Variants in PCLO observed in about 807,000 individuals in gnomAD.
The protein encoded by PCLO is piccolo presynaptic cytomatrix protein.
A neutral mutation model predicts 427.5 loss-of-function variants in PCLO; 82 were observed. The ratio of observed to expected loss-of-function variants is 0.19; its 90% CI spans 0.16 to 0.23. PCLO has a LOEUF of 0.23. Among genes scored for constraint, PCLO ranks in the 10% least tolerant of loss-of-function variants. The probability of loss-of-function intolerance (pLI) is 1.00; values close to 1 mark genes in which losing one functional copy is unlikely to be tolerated. For missense variants in PCLO, 6,239 were observed against 6,115.9 expected (o/e 1.02, Z -0.67); for synonymous variants, 2,357 against 2,155.4 (o/e 1.09, Z -2.59).
At position 82,915,362 on chromosome 7, in the gene PCLO, T is replaced by C; in HGVS notation, c.12624A>G (p.Glu4208=). The C allele has an allele frequency of 6.2e-7, 1 of 1,613,476 alleles. No homozygotes were observed. The highest frequency in any genetic ancestry group is 8.5e-7 in the Non-Finnish European group (1 of 1,179,642). ...AATAATCAGGTTCAAGGTCTCTACTTTCTTGAATAGGTGAAAATTTTGACA... is the reference window on the plus strand; with the variant it reads ...AATAATCAGGTTCAAGGTCTCTACTCTCTTGAATAGGTGAAAATTTTGACA... The part of the protein sequence containing the change: ...PKMSKFSPIQ[E]SRDLEPDYSS... Residue 4208 remains glutamate, a synonymous_variant, in exon 7 of 25, where the codon GAA becomes GAG. Transcript: ENST00000333891.
intron 3 of PCLO, among the ~76,000 whole-genome samples, chr7:83,002,232 T>C (rs890571737): frequency 6.6e-6 from 1 of 151,990 alleles, no homozygotes; most frequent in African/African-American, 2.4e-5. Flanking sequence ...TCATTTATAT[T>C]TTCCATCCTT....
chr7:82,845,563 G>C, intron 12 of PCLO, 78 bp from the exon 13 acceptor site: 4 of 934,850 alleles, frequency 4.3e-6, no homozygotes, highest in Non-Finnish European at 5.1e-6. Context: ...TGAGTTCTAG[G>C]TGACAAAGGT....
At chr7:83,017,853 T>C (rs142338150) in intron 3 of PCLO, 2 of 152,146 alleles carry the variant, frequency 1.3e-5, no homozygotes, top group East Asian at 3.9e-4. Context: ...ATTTAACACA[T>C]TTTAAATGGC....
intron 3 of PCLO, among the ~76,000 whole-genome samples, chr7:83,080,288 A>C (rs1790065177): frequency 6.6e-6 from 1 of 152,136 alleles, no homozygotes; most frequent in African/African-American, 2.4e-5. Context: ...ATATCTGAGG[A>C]ATCACCACAC....
intron 3 of PCLO, among the ~76,000 whole-genome samples, chr7:83,078,519 C>CATTATTATATTATTATT (rs1554392726): frequency 6.7e-6 from 1 of 150,284 alleles, no homozygotes; most frequent in African/African-American, 2.5e-5. Context: ...ATGTTGCTAG[C>CATTATTATATTATTATT]ATTATTATTA....
intron 20 of PCLO, among the ~76,000 whole-genome samples, chr7:82,813,864 A>C (rs1584002239): frequency 6.6e-6 from 1 of 151,978 alleles, no homozygotes; most frequent in South Asian, 2.1e-4. Flanking sequence ...AGGATCAAGT[A>C]TTTCGTAAGA....
chr7:82,788,829 CAT>C (rs1791039631), intron 22 of PCLO, among the ~76,000 whole-genome samples: 1 of 151,322 alleles, frequency 6.6e-6, no homozygotes, highest in Non-Finnish European at 1.5e-5. Flanking sequence ...TCCATGTTAT[CAT>C]GTTTGCCGTT....
rs750962596 is a variant in PCLO, at chr7:82,824,288, C to G, written c.14544G>C (p.Lys4848Asn). 5 of 1,613,228 alleles carry G rather than the reference C, an allele frequency of 3.1e-6. No homozygotes were observed. The highest frequency in any genetic ancestry group is 4.2e-6 in the Non-Finnish European group (5 of 1,179,622). The change falls in exon 19 of 25, where the codon AAG becomes AAC. Residue 4848 changes from lysine (K) to asparagine (N), a missense_variant. Physicochemically the swap from Lys to Asn is moderately conservative, Grantham distance 94. Coordinates refer to ENST00000333891, the MANE Select transcript of PCLO (RefSeq NM_033026.6). ...HSSQSSQQSP[K>N]PSVIKSRSHG... ...GGCTTCTGCTTTTGATAACAGATGG[C>G]TTTGGGGACTGCTGGCTGCTCTGAC... is the stretch of plus-strand genomic sequence containing the variant.
At position 83,134,298 on chromosome 7, in the gene PCLO, A is replaced by G. The variant is rs771270281; in HGVS notation, c.3252T>C (p.Asn1084=). 1.9e-6 allele frequency: 3 copies of G among 1,586,744 alleles called. No individual in the cohort carries two copies. Among genetic ancestry groups the G allele is most frequent in the African/African-American group, 1.3e-5 (1 of 74,138 alleles). ...TAAATCCACAGAGATTACACACTTG[A>G]TTCTTGCATTCAGTGCAAGTATTGA... is the stretch of plus-strand genomic sequence containing the variant. ...PNFNTCTECK[N]QVCNLCGFNP... is the part of the protein sequence containing the mutation. Residue 1084 remains asparagine (N), a synonymous_variant, in exon 3 of 25, where the codon AAT becomes AAC. Coordinates refer to ENST00000333891, the MANE Select transcript of PCLO (RefSeq NM_033026.6).
chr7:82,959,472 A>G (rs1795607028), intron 4 of PCLO, among the ~76,000 whole-genome samples: 4 of 152,194 alleles, frequency 2.6e-5, no homozygotes. Context: ...AATTCAGAGG[A>G]CCATTTAAAA....
chr7:82,836,274 C>A (rs1275598870), intron 15 of PCLO, among the ~76,000 whole-genome samples: 7 of 152,212 alleles, frequency 4.6e-5, no homozygotes, highest in Middle Eastern at 3.4e-3. Context: ...TATTTTCATT[C>A]TTTCATTTGC....
chr7:83,122,556 G>C (rs1409125559), intron 3 of PCLO, among the ~76,000 whole-genome samples: 2 of 152,080 alleles, frequency 1.3e-5, no homozygotes, highest in Non-Finnish European at 2.9e-5. Context: ...AAAGTGCTGG[G>C]ATTACAGTGG....
chr7:82,796,454 A>G (rs1791225595), intron 22 of PCLO, among the ~76,000 whole-genome samples: 1 of 151,934 alleles, frequency 6.6e-6, no homozygotes, highest in South Asian at 2.1e-4. Context: ...GATGTTCCTC[A>G]TGGTGTTCTT....
chr7:82,890,489 A>G (rs1793732085), intron 9 of PCLO, among the ~76,000 whole-genome samples: 1 of 151,814 alleles, frequency 6.6e-6, no homozygotes, highest in African/African-American at 2.4e-5. Context: ...AATATTACAT[A>G]TCTTCTTTTT....
intron 4 of PCLO, among the ~76,000 whole-genome samples, chr7:82,964,172 G>A (rs546785120): frequency 6.6e-6 from 1 of 151,552 alleles, no homozygotes; most frequent in South Asian, 2.1e-4. Flanking sequence ...GTAAGGTAGT[G>A]CCCTGAGGAA....
chr7:82,776,405 C>G (rs1327477985), intron 22 of PCLO, among the ~76,000 whole-genome samples: 1 of 151,902 alleles, frequency 6.6e-6, no homozygotes, highest in African/African-American at 2.4e-5. Context: ...TCATCCTGGC[C>G]AACATGATGA....
chr7:82,898,902 A>G (rs1793970295), intron 9 of PCLO, among the ~76,000 whole-genome samples: 1 of 151,468 alleles, frequency 6.6e-6, no homozygotes, highest in African/African-American at 2.4e-5. Flanking sequence ...CACTTAGCTA[A>G]TTTTGAAGCA....
At chr7:82,996,413 T>C (rs1302350464) in intron 3 of PCLO, among the ~76,000 whole-genome samples, 2 of 151,998 alleles carry the variant, frequency 1.3e-5, no homozygotes, top group Non-Finnish European at 2.9e-5. Context: ...TTAATGAATA[T>C]AGAAGTACTG....
In PCLO at chr7:83,134,538, T is replaced by A. The variant is rs567755081; in HGVS notation, c.3012A>T (p.Ala1004=). 5 of 1,613,864 alleles carry A rather than the reference T, an allele frequency of 3.1e-6. No homozygotes were observed. The highest frequency in any genetic ancestry group is 2.5e-6 in the Non-Finnish European group (3 of 1,179,896). ...CAGCTTTGGGCTCTAATTTTTCAGC[T>A]GCTGGGGCTTTTGTTTCCTTTTTCA... ...IPVKKETKAP[A]AEKLEPKAEQ... is the part of the protein sequence containing the mutation. The change falls in exon 3 of 25, where the codon GCA becomes GCT. Residue 1004 remains alanine (A), a synonymous_variant. Transcript: ENST00000333891.
Sources: allele counts gnomAD v4.1 joint callset (sites outside exome capture counted in the v4.1 genomes callset), GRCh38; gene constraint gnomAD v4.1.1; transcripts MANE v1.5; gene names NCBI Gene and HGNC (gene_info 2026-07-23, HGNC 2026-07-21).